Variants in CUX2 observed in about 807,000 individuals in gnomAD.
CUX2 encodes the protein homeobox protein cut-like 2.
In CUX2, 40 loss-of-function variants were observed where a neutral mutation model predicts 144.8. The observed-to-expected ratio is 0.28, with a 90% CI of 0.21 to 0.36. CUX2 has a LOEUF of 0.36. CUX2 is among the 10% of genes least tolerant of loss of function. The pLI, the probability that CUX2 is intolerant of heterozygous loss-of-function variation, is 1.00. For synonymous variants in CUX2, 827 were observed against 875.6 expected (o/e 0.94, Z 0.98); for missense variants, 1,615 against 1,994.0 (o/e 0.81, Z 3.62).
At chr12:111,198,747 G>C (rs988037490) in intron 1 of CUX2, among the ~76,000 whole-genome samples, 6 of 152,370 alleles carry the variant, frequency 3.9e-5, no homozygotes, top group African/African-American at 1.4e-4. Context: ...CACTGGGGGG[G>C]ATGGGGAGGG....
At chr12:111,254,182 G>A (rs1883700203) in intron 3 of CUX2, among the ~76,000 whole-genome samples, 1 of 152,192 alleles carries the variant, frequency 6.6e-6, no homozygotes, top group Non-Finnish European at 1.5e-5. Flanking sequence ...TTCAGAGGTA[G>A]GGATGCTCAG....
chr12:111,323,507 T>C (rs923277397), intron 18 of CUX2, among the ~76,000 whole-genome samples: 8 of 152,194 alleles, frequency 5.3e-5, no homozygotes, highest in Non-Finnish European at 1.0e-4. Flanking sequence ...AAAAAGAGGC[T>C]GAGGACAGGC....
chr12:111,065,965 A>G (rs959042155), intron 1 of CUX2, among the ~76,000 whole-genome samples: 1 of 152,250 alleles, frequency 6.6e-6, no homozygotes, highest in Non-Finnish European at 1.5e-5. Context: ...ATGCGAGTGC[A>G]GGATTATGGT....
chr12:111,126,745 C>G (rs927944135), intron 1 of CUX2, among the ~76,000 whole-genome samples: 5 of 152,196 alleles, frequency 3.3e-5, no homozygotes, highest in Admixed American at 2.6e-4. Flanking sequence ...TCTGGCTACC[C>G]CATGACCCAG....
intron 3 of CUX2, among the ~76,000 whole-genome samples, chr12:111,221,213 G>A (rs1881838236): frequency 6.6e-6 from 1 of 152,118 alleles, no homozygotes; most frequent in African/African-American, 2.4e-5. Flanking sequence ...GACTACATTT[G>A]TCTGGAATTT....
intron 1 of CUX2, among the ~76,000 whole-genome samples, chr12:111,156,577 G>A (rs1315311554): frequency 2.0e-5 from 3 of 152,146 alleles, no homozygotes; most frequent in African/African-American, 7.2e-5. Flanking sequence ...TCCAAACATG[G>A]GAAAGACTCC....
At chr12:111,328,875 A>C (rs1335227832) in intron 18 of CUX2, among the ~76,000 whole-genome samples, 1 of 150,492 alleles carries the variant, frequency 6.6e-6, no homozygotes, top group Non-Finnish European at 1.5e-5. Flanking sequence ...GGCATGAGCT[A>C]CTGCACCCAG....
chr12:111,347,453 T>A, intron 21 of CUX2, 71 bp from the exon 22 acceptor site: 1 of 1,431,370 alleles, frequency 7.0e-7, no homozygotes, highest in Non-Finnish European at 9.4e-7. Context: ...CAAAATGCCA[T>A]GTATGCAGAT....
At chr12:111,197,562 C>T (rs1046205973) in intron 1 of CUX2, among the ~76,000 whole-genome samples, 1 of 152,164 alleles carries the variant, frequency 6.6e-6, no homozygotes, top group South Asian at 2.1e-4. Flanking sequence ...CTTGAGGGTT[C>T]CTGGAGAAAA....
At position 111,123,775 on chromosome 12, in the gene CUX2, A is replaced by G. The variant is rs1874852704; in HGVS notation, c.63+89535A>G. Among the ~76,000 whole-genome samples the G allele has an allele frequency of 2.0e-5, 3 of 151,954 alleles. No homozygotes were observed. In the Middle Eastern group the frequency reaches 0.01, roughly 524 times the overall value. ...AATTTCAAACTCCTGAGCTCAAGCA[A>G]TCCCCCTGCCTCGGCCTCCCAAAGT... On this transcript the variant is annotated intron_variant, in intron 1 of 21. Coordinates refer to ENST00000261726, the MANE Select transcript of CUX2 (RefSeq NM_015267.4).
rs1026548098 is a variant in CUX2, at chr12:111,134,620, C to CTCTCTGTG, written c.64-79579_64-79578insCTCTGTGT. ...TCTCTCTCTCTCTCTCTCTCTCTCT[C>CTCTCTGTG]TGTGTGTGTGTGTGTGTGTGTGTGT... On this transcript the variant is annotated intron_variant, in intron 1 of 21. Coordinates refer to ENST00000261726, the MANE Select transcript of CUX2 (RefSeq NM_015267.4). 1.5e-3 allele frequency among the ~76,000 whole-genome samples: 220 copies of CTCTCTGTG among 142,208 alleles called. 1 individual carries two copies. Among genetic ancestry groups the CTCTCTGTG allele is most frequent in the African/African-American group, 5.8e-3 (210 of 36,112 alleles). The allele number at this position is 142,208 out of a possible 152,430, so 93.3% of individuals were successfully genotyped here. A position where few individuals can be genotyped will look rare whatever the true frequency, so the allele number is the denominator to read the frequency against.
chr12:111,243,195 C>T (rs1883116830), intron 3 of CUX2, among the ~76,000 whole-genome samples: 2 of 152,166 alleles, frequency 1.3e-5, no homozygotes, highest in Admixed American at 1.3e-4. Context: ...TGGTCAGTCC[C>T]ATGGACCCAG....
Position 111,098,399 on chromosome 12 carries a change from C to CAAAAA in CUX2, c.63+64172_63+64176dup, listed in dbSNP as rs537665407. 7.1e-3 allele frequency among the ~76,000 whole-genome samples: 601 copies of CAAAAA among 85,110 alleles called. 4 individuals are homozygous for CAAAAA. The highest frequency in any genetic ancestry group is 0.023 in the African/African-American group (563 of 24,290). 55.8% of individuals were successfully genotyped at this position (85,110 alleles called of 152,430 possible). ...TGAGCGACAGAGCGAGACTTCGTCT[C>CAAAAA]AAAAAAAAAAAAAAAAAGAACTGAG... is the stretch of plus-strand genomic sequence containing the variant. On this transcript the variant is annotated intron_variant, in intron 1 of 21. Coordinates refer to ENST00000261726, the MANE Select transcript of CUX2 (RefSeq NM_015267.4).
intron 3 of CUX2, among the ~76,000 whole-genome samples, chr12:111,227,782 TC>T (rs2136240489): frequency 6.6e-6 from 1 of 151,590 alleles, no homozygotes; most frequent in East Asian, 1.9e-4. Context: ...TCCAACCAGC[TC>T]CCCTAGAGCA....
intron 1 of CUX2, among the ~76,000 whole-genome samples, chr12:111,079,391 G>A (rs1020795622): frequency 2.0e-5 from 3 of 152,078 alleles, no homozygotes; most frequent in East Asian, 1.9e-4. Context: ...CCTTCTGAAC[G>A]AGGACTGGTT....
chr12:111,267,224 AAGGG>A (rs1251730292), intron 4 of CUX2, among the ~76,000 whole-genome samples: 1 of 151,286 alleles, frequency 6.6e-6, no homozygotes, highest in African/African-American at 2.4e-5. Context: ...AAAAGAAAGA[AAGGG>A]AGGGAGGGAG....
At chr12:111,071,414 G>A (rs1180391397) in intron 1 of CUX2, among the ~76,000 whole-genome samples, 1 of 152,116 alleles carries the variant, frequency 6.6e-6, no homozygotes, top group Non-Finnish European at 1.5e-5. Context: ...TGCATATACT[G>A]TATATCTTCT....
chr12:111,255,698 A>G lies in CUX2; in HGVS notation c.223-8063A>G, dbSNP rs114034935. Among the ~76,000 whole-genome samples, 734 of 152,314 alleles carry G rather than the reference A, an allele frequency of 4.8e-3. 6 individuals are homozygous for G. The highest frequency in any genetic ancestry group is 0.017 in the African/African-American group (705 of 41,556). On this transcript the variant is annotated intron_variant, in intron 3 of 21. Transcript: ENST00000261726. The surrounding 1 kb of genome is among the most constrained non-coding windows in gnomAD (Gnocchi z 4.1). ...TGTTAAATGGGATAGTCACACCCGC[A>G]GCGTGATGAGGGTTAAGCTAATGTG...
At chr12:111,091,408 G>A (rs1872543678) in intron 1 of CUX2, among the ~76,000 whole-genome samples, 1 of 152,130 alleles carries the variant, frequency 6.6e-6, no homozygotes, top group South Asian at 2.1e-4. Flanking sequence ...AAGTGCAACC[G>A]GGCAGCGTTC....
Sources: gnomAD v4.1 joint callset for allele counts (sites outside exome capture counted in the v4.1 genomes callset) on GRCh38, gnomAD v4.1.1 for gene constraint, Gnocchi (gnomAD v3.1) non-coding constraint, MANE v1.5 for transcripts, NCBI Gene and HGNC (gene_info 2026-07-23, HGNC 2026-07-21) for gene names.